Variants in ENTREP2 observed in about 807,000 individuals in gnomAD.
ENTREP2 encodes the protein endosomal transmembrane epsin interactor 2, also known as protein ENTREP2.
chr15:29,365,960 T>C, the ENTREP2 span, among the ~76,000 whole-genome samples: 1 of 152,178 alleles, frequency 6.6e-6, no homozygotes, highest in Non-Finnish European at 1.5e-5. Context: ...TCCTGTGCTC[T>C]GATGTAGACC....
chr15:29,321,054 G>A, the ENTREP2 span, among the ~76,000 whole-genome samples: 1 of 151,870 alleles, frequency 6.6e-6, no homozygotes, highest in Admixed American at 6.6e-5. Context: ...AATAAAATAA[G>A]CTGATAGCTT....
the ENTREP2 span, among the ~76,000 whole-genome samples, chr15:29,636,863 T>C: frequency 6.6e-6 from 1 of 152,212 alleles, no homozygotes; most frequent in Non-Finnish European, 1.5e-5. Context: ...TATTTCTGGG[T>C]TGAGAGATTT....
At chr15:29,624,903 GTGTGTA>G in the ENTREP2 span, among the ~76,000 whole-genome samples, 159 of 150,596 alleles carry the variant, frequency 1.1e-3, no homozygotes, top group African/African-American at 3.8e-3. Context: ...GTGTGTGTGT[GTGTGTA>G]TAGTTTTATG....
At chr15:29,182,373 C>T in the ENTREP2 span, among the ~76,000 whole-genome samples, 2 of 152,118 alleles carry the variant, frequency 1.3e-5, no homozygotes, top group South Asian at 2.1e-4. Context: ...GATCCGCCTG[C>T]CTCGGCCTCC....
the ENTREP2 span, among the ~76,000 whole-genome samples, chr15:29,396,130 A>G: frequency 6.6e-6 from 1 of 152,204 alleles, no homozygotes; most frequent in South Asian, 2.1e-4. Context: ...GAACATATGA[A>G]GTCTCTTTCA....
At chr15:29,328,293 G>C in the ENTREP2 span, among the ~76,000 whole-genome samples, 1 of 152,212 alleles carries the variant, frequency 6.6e-6, no homozygotes, top group Admixed American at 6.5e-5. Context: ...GATTAAATAA[G>C]TGAAGTCCAG....
At chr15:29,509,757 A>G in the ENTREP2 span, among the ~76,000 whole-genome samples, 1 of 152,326 alleles carries the variant, frequency 6.6e-6, no homozygotes, top group South Asian at 2.1e-4. Context: ...TCAACTCAAG[A>G]CGGATTAAAG....
chr15:29,160,165 A>G, the ENTREP2 span, among the ~76,000 whole-genome samples: 1,400 of 152,122 alleles, frequency 9.2e-3, 20 homozygotes, highest in African/African-American at 0.031. Flanking sequence ...CCAGCTGGCC[A>G]CTCCCAGTGC....
the ENTREP2 span, among the ~76,000 whole-genome samples, chr15:29,227,756 A>G: frequency 6.6e-6 from 1 of 152,192 alleles, no homozygotes; most frequent in African/African-American, 2.4e-5. Context: ...TAAAGGGGGA[A>G]CCACTCTGCA....
At chr15:29,245,698 TAAAG>T in the ENTREP2 span, among the ~76,000 whole-genome samples, 1 of 151,986 alleles carries the variant, frequency 6.6e-6, no homozygotes, top group Non-Finnish European at 1.5e-5. Context: ...AGTTAACAGA[TAAAG>T]AAATATAAGC....
the ENTREP2 span, among the ~76,000 whole-genome samples, chr15:29,659,462 C>T: frequency 1.3e-5 from 2 of 152,150 alleles, no homozygotes; most frequent in African/African-American, 2.4e-5. Context: ...CAGTGCGAGA[C>T]TCCATCTCAA....
chr15:29,211,316 C>T, the ENTREP2 span, among the ~76,000 whole-genome samples: 1 of 152,284 alleles, frequency 6.6e-6, no homozygotes, highest in Admixed American at 6.5e-5. Context: ...CACTCAACCA[C>T]CTCTCAGACA....
the ENTREP2 span, among the ~76,000 whole-genome samples, chr15:29,589,325 T>A: frequency 2.6e-5 from 4 of 152,246 alleles, no homozygotes; most frequent in African/African-American, 9.6e-5. Context: ...CCAGAGCATG[T>A]TTGTTTACAA....
At chr15:29,644,178 C>T in the ENTREP2 span, among the ~76,000 whole-genome samples, 1 of 152,182 alleles carries the variant, frequency 6.6e-6, no homozygotes, top group Non-Finnish European at 1.5e-5. Context: ...GAAGGAAACT[C>T]GTTCCAAAAG....
At chr15:29,132,748 C>T in the ENTREP2 span, among the ~76,000 whole-genome samples, 1 of 152,210 alleles carries the variant, frequency 6.6e-6, no homozygotes, top group African/African-American at 2.4e-5. Context: ...TGAGGTCAGA[C>T]ATTGAATGGC....
At chr15:29,224,208 G>T in the ENTREP2 span, among the ~76,000 whole-genome samples, 10 of 152,120 alleles carry the variant, frequency 6.6e-5, no homozygotes, top group African/African-American at 1.9e-4. Context: ...TCTCAAATCG[G>T]CGCGTCTGGA....
At chr15:29,596,061 G>T in the ENTREP2 span, among the ~76,000 whole-genome samples, 1 of 152,160 alleles carries the variant, frequency 6.6e-6, no homozygotes, top group Non-Finnish European at 1.5e-5. Flanking sequence ...TGAGCAGTAG[G>T]TATGCTCATT....
the ENTREP2 span, among the ~76,000 whole-genome samples, chr15:29,217,697 C>A: frequency 6.6e-6 from 1 of 152,012 alleles, no homozygotes; most frequent in African/African-American, 2.4e-5. Flanking sequence ...TTGGGCTTTG[C>A]CTTTCTCTGG....
chr15:29,287,046 C>T, the ENTREP2 span, among the ~76,000 whole-genome samples: 1 of 152,190 alleles, frequency 6.6e-6, no homozygotes, highest in Non-Finnish European at 1.5e-5. Context: ...ATGGCACCAG[C>T]CCATTCACCA....
Sources: gnomAD v4.1 joint callset for allele counts (sites outside exome capture counted in the v4.1 genomes callset) on GRCh38, gnomAD v4.1.1 for gene constraint, MANE v1.5 for transcripts, NCBI Gene and HGNC (gene_info 2026-07-23, HGNC 2026-07-21) for gene names.